The following DLG2 variants were observed in gnomAD, a reference collection of about 807,000 sequenced individuals.
DLG2 encodes discs large MAGUK scaffold protein 2.
Under a neutral mutation model 132.5 loss-of-function variants are expected in DLG2, and 45 were observed. The observed-to-expected ratio is 0.34, with a 90% CI of 0.27 to 0.44. DLG2 has a LOEUF of 0.44. Ranked by LOEUF, DLG2 falls within the 20% of genes least tolerant of loss-of-function variation. The pLI is 1.00. For missense variants in DLG2, 1,045 were observed against 1,196.9 expected (o/e 0.87, Z 1.87); for synonymous variants, 424 against 419.6 (o/e 1.01, Z -0.13).
intron 8 of DLG2, among the ~76,000 whole-genome samples, chr11:84,219,473 T>C (rs2154322761): frequency 6.6e-6 from 1 of 152,326 alleles, no homozygotes; most frequent in African/African-American, 2.4e-5. Flanking sequence ...AACTGTAAAA[T>C]AAAAATTTTA....
At chr11:84,018,657 A>AT (rs554123759) in intron 11 of DLG2, among the ~76,000 whole-genome samples, 7 of 151,052 alleles carry the variant, frequency 4.6e-5, no homozygotes, top group African/African-American at 7.3e-5. Flanking sequence ...TCCAGCTGCC[A>AT]TTTTTTTTTC....
At chr11:84,772,765 C>G (rs1238739159) in intron 6 of DLG2, among the ~76,000 whole-genome samples, 1 of 152,022 alleles carries the variant, frequency 6.6e-6, no homozygotes, top group East Asian at 1.9e-4. Context: ...TGAGACACAA[C>G]ATACCAAAAT....
intron 6 of DLG2, among the ~76,000 whole-genome samples, chr11:84,692,624 G>A (rs1182764528): frequency 1.3e-5 from 2 of 151,640 alleles, no homozygotes; most frequent in African/African-American, 4.8e-5. Flanking sequence ...GCATATAAAT[G>A]AAGCATTTAT....
intron 7 of DLG2, among the ~76,000 whole-genome samples, chr11:84,304,741 C>G (rs942017772): frequency 9.2e-5 from 14 of 152,240 alleles, no homozygotes; most frequent in Non-Finnish European, 1.8e-4. Flanking sequence ...TGATTTTCTT[C>G]AATATTAAAA....
intron 6 of DLG2, among the ~76,000 whole-genome samples, chr11:84,698,519 T>G (rs2058854791): frequency 6.6e-6 from 1 of 151,636 alleles, no homozygotes; most frequent in Non-Finnish European, 1.5e-5. Context: ...GACTTTTTGG[T>G]ATAAGTAATT....
intron 11 of DLG2, among the ~76,000 whole-genome samples, chr11:84,051,927 A>G (rs1438184422): frequency 1.3e-5 from 2 of 151,808 alleles, no homozygotes. Context: ...GAAAAAAAGG[A>G]CGTCCAAGGC....
At chr11:84,590,893 C>T (rs1309493285) in intron 6 of DLG2, among the ~76,000 whole-genome samples, 1 of 152,038 alleles carries the variant, frequency 6.6e-6, no homozygotes, top group East Asian at 1.9e-4. Flanking sequence ...GAGATCTGGG[C>T]CTGTTCCTAA....
intron 7 of DLG2, chr11:84,317,025 A>T: frequency 1.2e-6 from 2 of 1,612,784 alleles, no homozygotes; most frequent in Non-Finnish European, 1.7e-6. Flanking sequence ...AGCCCCTGAC[A>T]GTTCCTCTGC....
At chr11:84,096,311 C>T (rs1306146994) in intron 10 of DLG2, among the ~76,000 whole-genome samples, 1 of 151,994 alleles carries the variant, frequency 6.6e-6, no homozygotes, top group South Asian at 2.1e-4. Flanking sequence ...GCACAATGTC[C>T]TGCACATGAT....
intron 4 of DLG2, among the ~76,000 whole-genome samples, chr11:85,282,572 G>C (rs983919283): frequency 6.6e-6 from 1 of 151,818 alleles, no homozygotes; most frequent in Non-Finnish European, 1.5e-5. Flanking sequence ...CTTGCATGCA[G>C]GGAGGATAGA....
At chr11:84,141,731 T>C (rs2094856734) in intron 9 of DLG2, among the ~76,000 whole-genome samples, 1 of 152,076 alleles carries the variant, frequency 6.6e-6, no homozygotes, top group Non-Finnish European at 1.5e-5. Context: ...CATCATTGAG[T>C]AGTGATAAAT....
Position 83,791,390 on chromosome 11 carries a change from C to T in DLG2, c.1723-4598G>A. 3 of 675,128 alleles carry T rather than the reference C, an allele frequency of 4.4e-6. No homozygotes were observed. The South Asian group carries it at 4.7e-5, about 11-fold the overall frequency. The allele number at this position is 675,128 out of a possible 1,614,324, so 41.8% of individuals were successfully genotyped here. Reference sequence around the variant, plus strand: ...TTTGATCTGTCTTTTTTTTCTTTTCCACCTTTTTCGTCTTTCCTGTTGATA... The same window carrying T: ...TTTGATCTGTCTTTTTTTTCTTTTCTACCTTTTTCGTCTTTCCTGTTGATA... On this transcript the variant is annotated intron_variant, in intron 17 of 27. Transcript: ENST00000376104.
intron 11 of DLG2, among the ~76,000 whole-genome samples, chr11:84,049,519 AT>A (rs1483186769): frequency 6.6e-6 from 1 of 151,726 alleles, no homozygotes; most frequent in Non-Finnish European, 1.5e-5. Context: ...TTTGATGGTT[AT>A]GATCTACCTT....
At chr11:85,394,073 G>T (rs1487019493) in intron 3 of DLG2, among the ~76,000 whole-genome samples, 1 of 152,192 alleles carries the variant, frequency 6.6e-6, no homozygotes, top group African/African-American at 2.4e-5. Flanking sequence ...TTTTCAAGTG[G>T]AAAATCTAGA....
chr11:84,759,556 T>C (rs940619518), intron 6 of DLG2, among the ~76,000 whole-genome samples: 1 of 152,228 alleles, frequency 6.6e-6, no homozygotes, highest in African/African-American at 2.4e-5. Flanking sequence ...CAAACAATGC[T>C]ATAAACTCAG....
chr11:84,998,984 T>C (rs1386791750), intron 6 of DLG2, among the ~76,000 whole-genome samples: 2 of 150,740 alleles, frequency 1.3e-5, no homozygotes, highest in East Asian at 1.9e-4. Flanking sequence ...TATATATATA[T>C]ATATATTTTA....
chr11:85,317,103 T>C (rs763447789), intron 3 of DLG2, among the ~76,000 whole-genome samples: 19 of 151,932 alleles, frequency 1.3e-4, no homozygotes, highest in African/African-American at 4.6e-4. Context: ...ACAGAAGCAT[T>C]GTATTCCAGG....
chr11:84,844,642 C>T (rs1302378798), intron 6 of DLG2, among the ~76,000 whole-genome samples: 2 of 152,064 alleles, frequency 1.3e-5, no homozygotes, highest in Admixed American at 1.3e-4. Flanking sequence ...CTTCCCATAC[C>T]AGTTGTCTTA....
At chr11:83,502,645 AG>A (rs2094496297) in intron 21 of DLG2, among the ~76,000 whole-genome samples, 1 of 151,996 alleles carries the variant, frequency 6.6e-6, no homozygotes, top group South Asian at 2.1e-4. Context: ...AGCTTCCCTA[AG>A]GGCTCCTCTC....
Sources: allele counts gnomAD v4.1 joint callset (sites outside exome capture counted in the v4.1 genomes callset), GRCh38; gene constraint gnomAD v4.1.1; transcripts MANE v1.5; gene names NCBI Gene and HGNC (gene_info 2026-07-23, HGNC 2026-07-21).